Variants in DIP2C observed in about 807,000 individuals in gnomAD.
DIP2C encodes disco-interacting protein 2 homolog C.
In DIP2C, 33 loss-of-function variants were observed where a neutral mutation model predicts 192.4. That is an observed-to-expected ratio of 0.17 (90% CI 0.13 to 0.23). The LOEUF (loss-of-function observed/expected upper bound fraction) is 0.23, where lower values mean the gene tolerates loss of function less well. Among genes scored for constraint, DIP2C ranks in the 10% least tolerant of loss-of-function variants. The probability of loss-of-function intolerance (pLI) is 1.00; values close to 1 mark genes in which losing one functional copy is unlikely to be tolerated. For missense variants in DIP2C, 1,537 were observed against 2,110.1 expected, an observed-to-expected ratio of 0.73 and a Z score of 5.32; for synonymous variants, 979 against 864.1, an observed-to-expected ratio of 1.13 and a Z score of -2.33.
intron 1 of DIP2C, among the ~76,000 whole-genome samples, chr10:627,792 T>A (rs1482190142): frequency 6.6e-6 from 1 of 152,226 alleles, no homozygotes; most frequent in Admixed American, 6.5e-5. Context: ...CTCAGCCACG[T>A]GGACGCTTAC....
intron 24 of DIP2C, among the ~76,000 whole-genome samples, chr10:353,088 T>C (rs1017753569): frequency 2.6e-5 from 4 of 151,986 alleles, no homozygotes; most frequent in African/African-American, 9.7e-5. Context: ...AAGAAGAAGG[T>C]TCTAGGTAAA....
At chr10:340,508 G>A (rs565413117) in intron 29 of DIP2C, among the ~76,000 whole-genome samples, 3 of 152,256 alleles carry the variant, frequency 2.0e-5, no homozygotes, top group Admixed American at 2.0e-4. Flanking sequence ...AAAACTATAT[G>A]CCCAATGCTA....
intron 1 of DIP2C, among the ~76,000 whole-genome samples, chr10:503,368 A>C (rs1000081395): frequency 1.3e-5 from 2 of 152,270 alleles, no homozygotes; most frequent in Admixed American, 6.5e-5. Context: ...CAGACACTTC[A>C]ATGAAGTGGA....
chr10:474,963 T>A (rs915860386), intron 2 of DIP2C, among the ~76,000 whole-genome samples: 9 of 152,118 alleles, frequency 5.9e-5, no homozygotes, highest in Non-Finnish European at 1.3e-4. Context: ...TTGCTGCAAA[T>A]CAGGTTTTTC....
At chr10:471,621 G>A (rs1052382997) in intron 3 of DIP2C, among the ~76,000 whole-genome samples, 2 of 152,228 alleles carry the variant, frequency 1.3e-5, no homozygotes, top group African/African-American at 4.8e-5. Context: ...ACCAGCGATC[G>A]CCCCTACCCT....
At chr10:568,765 C>CAAAAAAA (rs1206501677) in intron 1 of DIP2C, among the ~76,000 whole-genome samples, 442 of 37,874 alleles carry the variant, frequency 0.012, 120 homozygotes, top group Non-Finnish European at 0.014. Context: ...AACTCCGTCT[C>CAAAAAAA]AAAAAAAAAA....
Position 384,018 on chromosome 10 carries a change from C to T in DIP2C, c.1876+9G>A, listed in dbSNP as rs1962631642. On this transcript the variant is annotated intron_variant, in intron 16 of 36. Transcript: ENST00000280886. ...GCCTGCCTCACGAGATCACACGCTCCTCACTTACAGGGGTTCGCGCCGTCC... is the reference window on the plus strand; with the variant it reads ...GCCTGCCTCACGAGATCACACGCTCTTCACTTACAGGGGTTCGCGCCGTCC... 1.3e-6 allele frequency: 2 copies of T among 1,545,140 alleles called. No individual in the cohort carries two copies. Among genetic ancestry groups the T allele is most frequent in the Admixed American group, 2.2e-5 (1 of 45,572 alleles).
At chr10:674,785 T>TAG (rs778232277) in intron 1 of DIP2C, among the ~76,000 whole-genome samples, 8 of 92,030 alleles carry the variant, frequency 8.7e-5, no homozygotes, top group African/African-American at 3.7e-4. Context: ...TATATATATA[T>TAG]ATATAGAGAG....
At chr10:566,536 T>C (rs1018804771) in intron 1 of DIP2C, among the ~76,000 whole-genome samples, 3 of 152,254 alleles carry the variant, frequency 2.0e-5, no homozygotes, top group Admixed American at 1.3e-4. Flanking sequence ...CACGTTCAGA[T>C]AGCAACACAG....
intron 1 of DIP2C, among the ~76,000 whole-genome samples, chr10:547,170 C>T (rs565179601): frequency 2.6e-5 from 4 of 152,332 alleles, no homozygotes; most frequent in African/African-American, 9.6e-5. Context: ...CCCGGTGCTG[C>T]AGCGGGACTG....
intron 1 of DIP2C, among the ~76,000 whole-genome samples, chr10:580,536 T>TACATGCATGCCCATAGCATGCAC (rs1467844823): frequency 5.9e-5 from 9 of 152,206 alleles, no homozygotes. Flanking sequence ...TGTACACATG[T>TACATGCATGCCCATAGCATGCAC]ACATGCATGC....
At chr10:567,540 T>A (rs939199360) in intron 1 of DIP2C, among the ~76,000 whole-genome samples, 3 of 152,196 alleles carry the variant, frequency 2.0e-5, no homozygotes, top group Non-Finnish European at 4.4e-5. Flanking sequence ...GTTGATTCTC[T>A]TAATCAGAAA....
intron 1 of DIP2C, among the ~76,000 whole-genome samples, chr10:538,555 G>T (rs1847820409): frequency 6.6e-6 from 1 of 152,162 alleles, no homozygotes; most frequent in Non-Finnish European, 1.5e-5. Context: ...ATGGTTCAGG[G>T]TCTCAACGTG....
At chr10:585,240 C>T (rs1193878366) in intron 1 of DIP2C, among the ~76,000 whole-genome samples, 1 of 152,198 alleles carries the variant, frequency 6.6e-6, no homozygotes, top group Non-Finnish European at 1.5e-5. Flanking sequence ...AAGCGTTCCC[C>T]ATCCCACGCC....
intron 1 of DIP2C, among the ~76,000 whole-genome samples, chr10:632,204 G>C (rs1854558516): frequency 6.6e-6 from 1 of 152,268 alleles, no homozygotes; most frequent in South Asian, 2.1e-4. Context: ...ACAGTTAAAA[G>C]GAAGAATTCG....
chr10:434,455 A>G (rs755544823), intron 4 of DIP2C, among the ~76,000 whole-genome samples: 6 of 152,068 alleles, frequency 3.9e-5, no homozygotes, highest in Non-Finnish European at 7.4e-5. Context: ...GGCTTTTTTT[A>G]AGAGACAGAG....
At chr10:409,535 C>T (rs1965043637) in intron 8 of DIP2C, among the ~76,000 whole-genome samples, 2 of 152,234 alleles carry the variant, frequency 1.3e-5, no homozygotes, top group Admixed American at 1.3e-4. Flanking sequence ...CAAATCCCCT[C>T]TTAGTGCATG....
intron 18 of DIP2C, among the ~76,000 whole-genome samples, chr10:366,613 T>C (rs140083377): frequency 2.4e-4 from 37 of 152,324 alleles, no homozygotes; most frequent in African/African-American, 8.9e-4. Context: ...TCAAATTTCA[T>C]AGTTGAAACA....
At chr10:386,458 C>G (rs1962928909) in intron 14 of DIP2C, among the ~76,000 whole-genome samples, 1 of 152,140 alleles carries the variant, frequency 6.6e-6, no homozygotes, top group African/African-American at 2.4e-5. Context: ...CATAACGGTG[C>G]TGGGAACAAG....
Sources: allele counts gnomAD v4.1 joint callset (sites outside exome capture counted in the v4.1 genomes callset), GRCh38; gene constraint gnomAD v4.1.1; transcripts MANE v1.5; gene names NCBI Gene and HGNC (gene_info 2026-07-23, HGNC 2026-07-21).